Variants in VBP1 observed in about 807,000 individuals in gnomAD.
VBP1 encodes the protein VHL binding protein 1, also known as prefoldin subunit 3.
Under a neutral mutation model 15.5 loss-of-function variants are expected in VBP1, and 4 were observed. That is an observed-to-expected ratio of 0.26 (90% CI 0.13 to 0.59). The LOEUF (loss-of-function observed/expected upper bound fraction) is 0.59. VBP1 is among the 20% of genes least tolerant of loss of function. The pLI is 0.90. For synonymous variants in VBP1, 61 were observed against 52.1 expected (o/e 1.17, Z -0.74); for missense variants, 108 against 139.6 (o/e 0.77, Z 1.14).
In VBP1 at chrX:155,238,986, CAA is replaced by C. The variant is rs782731392; in HGVS notation, c.*147_*148del. ...ACACCATTTTATTTATTTATAAAAACAAAATTAGTTTCAAATATTTTTGACAT... is the reference window on the plus strand; with the variant it reads ...ACACCATTTTATTTATTTATAAAAACAATTAGTTTCAAATATTTTTGACAT... On this transcript the variant is annotated 3_prime_UTR_variant, in exon 6 of 6. Transcript: ENST00000286428. The C allele has an allele frequency of 1.3e-5, 5 of 370,675 alleles. No homozygotes were observed. The highest frequency in any genetic ancestry group is 5.7e-5 in the Admixed American group (1 of 17,500). 30.5% of individuals were successfully genotyped at this position (370,675 alleles called of 1,213,427 possible).
intron 1 of VBP1, among the ~76,000 whole-genome samples, chrX:155,200,070 A>G (rs1185312859): frequency 1.0e-5 from 1 of 99,363 alleles, no homozygotes; most frequent in East Asian, 3.2e-4. Context: ...TATCCTAAAT[A>G]TATATGCACC....
chrX:155,231,478 AT>A (rs782336904), intron 4 of VBP1, among the ~76,000 whole-genome samples: 15 of 112,289 alleles, frequency 1.3e-4, no homozygotes, highest in African/African-American at 4.8e-4. Context: ...CTGATATGTT[AT>A]TGATTGGTGT....
intron 2 of VBP1, among the ~76,000 whole-genome samples, chrX:155,211,427 T>C (rs1223868984): frequency 8.9e-6 from 1 of 112,000 alleles, no homozygotes; most frequent in Non-Finnish European, 1.9e-5. Context: ...AATGATCAGT[T>C]ATCAAGCTCA....
At chrX:155,202,232 A>C (rs1557307572) in intron 1 of VBP1, among the ~76,000 whole-genome samples, 2 of 111,858 alleles carry the variant, frequency 1.8e-5, no homozygotes, top group African/African-American at 3.2e-5. Context: ...GCTACCAATG[A>C]CTTTCTTCAC....
At chrX:155,214,457 A>C (rs1267199675), upstream of VBP1, among the ~76,000 whole-genome samples, 1 of 112,123 alleles carries the variant, frequency 8.9e-6, no homozygotes, top group African/African-American at 3.2e-5. Context: ...ATAAATATAT[A>C]CCCCCTTTCT....
In VBP1 at chrX:155,216,510, A is replaced by G; in HGVS notation, c.28A>G (p.Lys10Glu). Residue 10 changes from lysine (K) to glutamate (E), a missense_variant, in exon 1 of 6, where the codon AAA (lysine) becomes GAA (glutamate). Transcript: ENST00000286428. ...GGCGGCCGTTAAGGACAGTTGTGGC[A>G]AAGGAGAAATGGCCACAGGGAATGG... MAAVKDSCG[K>E]GEMATGNGRR... 1 of 1,171,021 alleles carries G rather than the reference A, an allele frequency of 8.5e-7. No individual in the cohort carries two copies. The highest frequency in any genetic ancestry group is 1.1e-6 in the Non-Finnish European group (1 of 874,335).
chrX:155,217,670 A>G (rs1557309182), intron 1 of VBP1, among the ~76,000 whole-genome samples: 1 of 112,505 alleles, frequency 8.9e-6, no homozygotes, highest in African/African-American at 3.2e-5. Context: ...ACATTGATCT[A>G]TTATCTAACC....
At chrX:155,229,308 G>C (rs1569560973) in intron 4 of VBP1, among the ~76,000 whole-genome samples, 1 of 112,682 alleles carries the variant, frequency 8.9e-6, no homozygotes, top group Admixed American at 9.4e-5. Flanking sequence ...AACTACACCT[G>C]AGTGTCCAAG....
chrX:155,220,750 C>T (rs2074685464), intron 2 of VBP1, among the ~76,000 whole-genome samples: 1 of 112,190 alleles, frequency 8.9e-6, no homozygotes, highest in South Asian at 3.7e-4. Context: ...TTTTATATAG[C>T]TTATAAAGTC....
At chrX:155,208,894 T>C (rs188216563) in exon 2 of VBP1, 1 of 1,150,055 alleles carries the variant, frequency 8.7e-7, no homozygotes, top group East Asian at 3.3e-5. Flanking sequence ...CATTGGGAGC[T>C]CCTTCTCTAA....
chrX:155,233,070 G>C (rs2074754752), intron 4 of VBP1, among the ~76,000 whole-genome samples: 1 of 112,305 alleles, frequency 8.9e-6, no homozygotes, highest in Admixed American at 9.4e-5. Flanking sequence ...GAAAGAAACT[G>C]CATAGCAAAT....
intron 1 of VBP1, among the ~76,000 whole-genome samples, chrX:155,202,694 AT>A (rs1557307629): frequency 9.4e-6 from 1 of 106,786 alleles, no homozygotes; most frequent in African/African-American, 3.5e-5. Context: ...GGACATAGGC[AT>A]GGGCAAGGAC....
rs1359709796 is a variant in VBP1, at chrX:155,228,371, T to TG, written c.286-13_286-12insG. 1.4e-4 allele frequency: 166 copies of TG among 1,189,431 alleles called. No individual in the cohort carries two copies. The highest frequency in any genetic ancestry group is 1.2e-3 in the Middle Eastern group (5 of 4,248). On this transcript the variant is annotated splice_polypyrimidine_tract_variant and intron_variant, in intron 3 of 5. Coordinates refer to ENST00000286428, the MANE Select transcript of VBP1 (RefSeq NM_003372.7). ...CTGTTTATGGTACTGTCATTTTTTT[T>TG]TTTGTTTTGAAGGAGTCCACCAACT...
intron 1 of VBP1, among the ~76,000 whole-genome samples, chrX:155,207,741 T>G (rs1275776860): frequency 8.9e-6 from 1 of 112,078 alleles, no homozygotes; most frequent in Non-Finnish European, 1.9e-5. Context: ...CTAGACTCTG[T>G]TAACCTTCCT....
intron 3 of VBP1, among the ~76,000 whole-genome samples, chrX:155,227,920 A>G (rs1470630154): frequency 8.9e-6 from 1 of 112,625 alleles, no homozygotes; most frequent in African/African-American, 3.2e-5. Flanking sequence ...TGACTGGTAG[A>G]ATAACTATTT....
intron 2 of VBP1, among the ~76,000 whole-genome samples, chrX:155,223,405 C>G (rs1461656803): frequency 9.2e-6 from 1 of 108,949 alleles, no homozygotes; most frequent in Non-Finnish European, 1.9e-5. Context: ...TGACTCTTAA[C>G]GAGCATGCTG....
chrX:155,198,833 C>A (rs1557307016), intron 1 of VBP1, among the ~76,000 whole-genome samples: 1 of 111,504 alleles, frequency 9.0e-6, no homozygotes, highest in Non-Finnish European at 1.9e-5. Context: ...GAAATTCAAA[C>A]CAAAGGCAAA....
At chrX:155,205,164 A>G (rs985873851) in intron 1 of VBP1, among the ~76,000 whole-genome samples, 23 of 112,175 alleles carry the variant, frequency 2.1e-4, no homozygotes, top group African/African-American at 7.1e-4. Flanking sequence ...CACTGCATAA[A>G]TTTTATGCAA....
chrX:155,216,593 C>T lies in VBP1; in HGVS notation c.93+18C>T, dbSNP rs1557309045. On this transcript the variant is annotated intron_variant, in intron 1 of 5. Transcript: ENST00000286428. ...TGTTTGTGGTAAGAGGCACGCTGTT[C>T]CCTGGCATCTTGGCTTGAGGCCTTG... The T allele has an allele frequency of 2.6e-6, 3 of 1,167,666 alleles. No homozygotes were observed. The highest frequency in any genetic ancestry group is 2.6e-5 in the Admixed American group (1 of 38,831).
Sources: allele counts gnomAD v4.1 joint callset (sites outside exome capture counted in the v4.1 genomes callset), GRCh38; gene constraint gnomAD v4.1.1; transcripts MANE v1.5; gene names NCBI Gene and HGNC (gene_info 2026-07-23, HGNC 2026-07-21).